ADAMTS6: variants seen among roughly 807,000 people sequenced by gnomAD.
ADAMTS6 encodes A disintegrin and metalloproteinase with thrombospondin motifs 6.
Under a neutral mutation model 144.3 loss-of-function variants are expected in ADAMTS6, and 23 were observed. That is an observed-to-expected ratio of 0.16 (90% CI 0.11 to 0.23). The LOEUF is 0.23. Ranked by LOEUF, ADAMTS6 falls within the 10% of genes least tolerant of loss-of-function variation. ADAMTS6 has a pLI of 1.00. For missense variants in ADAMTS6, 999 were observed against 1,379.6 expected (o/e 0.72, Z 4.37); for synonymous variants, 444 against 457.5 (o/e 0.97, Z 0.38).
At chr5:65,443,267 T>G (rs899667222) in intron 7 of ADAMTS6, among the ~76,000 whole-genome samples, 3 of 152,168 alleles carry the variant, frequency 2.0e-5, no homozygotes, top group African/African-American at 7.2e-5. Flanking sequence ...AAATTAGATA[T>G]CTAACTACAT....
intron 11 of ADAMTS6, among the ~76,000 whole-genome samples, chr5:65,280,362 C>A (rs1207465191): frequency 6.6e-6 from 1 of 152,136 alleles, no homozygotes. Context: ...ACAAATGATA[C>A]AAAAGATGTG....
intron 7 of ADAMTS6, among the ~76,000 whole-genome samples, chr5:65,427,705 G>A (rs528674324): frequency 1.3e-5 from 2 of 152,010 alleles, no homozygotes; most frequent in Non-Finnish European, 2.9e-5. Context: ...GGCTGAGGCA[G>A]GAGAATGGCC....
chr5:65,243,317 T>A (rs899052376), intron 14 of ADAMTS6, among the ~76,000 whole-genome samples: 20 of 152,124 alleles, frequency 1.3e-4, no homozygotes, highest in African/African-American at 4.8e-4. Flanking sequence ...CTGAGGACAG[T>A]ACATTGTAAA....
intron 15 of ADAMTS6, among the ~76,000 whole-genome samples, chr5:65,228,981 C>G (rs887411069): frequency 6.6e-6 from 1 of 152,192 alleles, no homozygotes; most frequent in African/African-American, 2.4e-5. Context: ...AACTAGTCAA[C>G]AGTTGCCTCA....
At chr5:65,274,668 A>G (rs1267249950) in intron 11 of ADAMTS6, among the ~76,000 whole-genome samples, 1 of 151,518 alleles carries the variant, frequency 6.6e-6, no homozygotes, top group African/African-American at 2.4e-5. Context: ...TATAGTGTCT[A>G]TTAAGGTTTT....
chr5:65,468,672 G>A (rs1760210945), intron 3 of ADAMTS6, among the ~76,000 whole-genome samples: 1 of 152,114 alleles, frequency 6.6e-6, no homozygotes, highest in Admixed American at 6.5e-5. Flanking sequence ...GTTAACAGAG[G>A]GAAAGAGAAC....
chr5:65,309,832 C>T (rs1744315373), intron 9 of ADAMTS6, among the ~76,000 whole-genome samples: 1 of 152,002 alleles, frequency 6.6e-6, no homozygotes, highest in Admixed American at 6.6e-5. Flanking sequence ...TATAGCTGGG[C>T]ACCGTGACTC....
chr5:65,273,032 T>C (rs574925325), intron 12 of ADAMTS6, among the ~76,000 whole-genome samples: 1 of 152,284 alleles, frequency 6.6e-6, no homozygotes, highest in Non-Finnish European at 1.5e-5. Flanking sequence ...CTAGACTATG[T>C]TATATGAGTA....
chr5:65,156,053 GA>G (rs970250128), intron 24 of ADAMTS6, among the ~76,000 whole-genome samples: 1 of 152,082 alleles, frequency 6.6e-6, no homozygotes, highest in Admixed American at 6.5e-5. Flanking sequence ...CATTATTACA[GA>G]AAACTGAAAG....
At chr5:65,373,305 C>T (rs1026874750) in intron 7 of ADAMTS6, among the ~76,000 whole-genome samples, 1 of 151,482 alleles carries the variant, frequency 6.6e-6, no homozygotes, top group Admixed American at 6.6e-5. Context: ...TTCAAAAAAT[C>T]AATGAATCCA....
chr5:65,262,054 C>T (rs962615618), intron 13 of ADAMTS6, among the ~76,000 whole-genome samples: 3 of 152,072 alleles, frequency 2.0e-5, no homozygotes, highest in East Asian at 1.9e-4. Context: ...ACTTGACATG[C>T]GGCAGCCAAA....
chr5:65,455,026 CT>C (rs1478311079), intron 4 of ADAMTS6, among the ~76,000 whole-genome samples: 1 of 152,174 alleles, frequency 6.6e-6, no homozygotes, highest in Non-Finnish European at 1.5e-5. Flanking sequence ...CCAATTTCTC[CT>C]GCTCAATCCT....
At chr5:65,329,597 G>C (rs544146628) in intron 8 of ADAMTS6, 114 bp from the exon 9 acceptor site, 213 of 815,018 alleles carry the variant, frequency 2.6e-4, no homozygotes, top group Admixed American at 4.6e-4. Flanking sequence ...AGAAGGAGCC[G>C]TTGGCAAAAG....
intron 21 of ADAMTS6, among the ~76,000 whole-genome samples, chr5:65,191,915 C>A (rs7706677): frequency 0.75 from 113,684 of 152,000 alleles, 43,006 homozygotes; most frequent in African/African-American, 0.85. Flanking sequence ...TGTACCTTAC[C>A]AAGCTGGTGA....
chr5:65,469,579 T>C (rs1275277563), intron 3 of ADAMTS6, among the ~76,000 whole-genome samples: 2 of 152,204 alleles, frequency 1.3e-5, no homozygotes, highest in African/African-American at 4.8e-5. Flanking sequence ...AAACTAGTAA[T>C]GAGTATACTC....
chr5:65,198,563 C>G (rs919264377), intron 20 of ADAMTS6: 7 of 167,072 alleles, frequency 4.2e-5, no homozygotes, highest in African/African-American at 1.4e-4. Flanking sequence ...TAAAGACTGA[C>G]AGGGCAAACT....
intron 18 of ADAMTS6, 61 bp downstream of exon 18, chr5:65,224,259 T>C (rs1253980416): frequency 2.9e-6 from 4 of 1,365,712 alleles, no homozygotes; most frequent in African/African-American, 2.9e-5. Flanking sequence ...TTCATGATAC[T>C]GTGCTACTTT....
intron 20 of ADAMTS6, among the ~76,000 whole-genome samples, chr5:65,205,469 G>A (rs1756024247): frequency 1.3e-5 from 2 of 152,006 alleles, no homozygotes; most frequent in African/African-American, 4.8e-5. Flanking sequence ...TATTAGTACT[G>A]GCCTAAAGAC....
chr5:65,233,311 C>T (rs1007815719), intron 15 of ADAMTS6, among the ~76,000 whole-genome samples: 2 of 151,874 alleles, frequency 1.3e-5, no homozygotes, highest in Non-Finnish European at 2.9e-5. Context: ...TACTTCTATT[C>T]AACATAGTAC....
Sources: allele counts gnomAD v4.1 joint callset (sites outside exome capture counted in the v4.1 genomes callset), GRCh38; gene constraint gnomAD v4.1.1; transcripts MANE v1.5; gene names NCBI Gene and HGNC (gene_info 2026-07-23, HGNC 2026-07-21).